COL6A6: variants seen among roughly 807,000 people sequenced by gnomAD.
COL6A6 encodes the protein collagen alpha-6(VI) chain.
A neutral mutation model predicts 208.6 loss-of-function variants in COL6A6; 183 were observed. That is an observed-to-expected ratio of 0.88 (90% CI 0.78 to 0.99). The LOEUF (loss-of-function observed/expected upper bound fraction) is 0.99, where lower values mean the gene tolerates loss of function less well. Ranked by LOEUF, COL6A6 falls within the 50% of genes least tolerant of loss-of-function variation. The probability of loss-of-function intolerance (pLI) is 0.00; values close to 1 mark genes in which losing one functional copy is unlikely to be tolerated. For missense variants in COL6A6, 2,816 were observed against 2,815.2 expected (o/e 1.00, Z -0.01); for synonymous variants, 973 against 1,011.8 (o/e 0.96, Z 0.73).
intron 28 of COL6A6, among the ~76,000 whole-genome samples, chr3:130,641,189 A>C (rs1559778723): frequency 2.1e-5 from 3 of 144,498 alleles, no homozygotes; most frequent in Non-Finnish European, 4.7e-5. Flanking sequence ...GCAGCAACAA[A>C]CAGTAAGGGA....
chr3:130,645,272 T>G (rs1041199929), intron 32 of COL6A6, among the ~76,000 whole-genome samples: 1 of 152,166 alleles, frequency 6.6e-6, no homozygotes, highest in Non-Finnish European at 1.5e-5. Flanking sequence ...AACATCACCA[T>G]TCACCTTGCT....
rs191658123 is a variant in COL6A6 at position 130,568,624 on chromosome 3, C to A, written c.2401+20C>A. The A allele has an allele frequency of 2.6e-6, 4 of 1,557,160 alleles. No homozygotes were observed. In the Admixed American group the frequency reaches 7.2e-5, roughly 28 times the overall value. On this transcript the variant is annotated intron_variant, in intron 6 of 36. Coordinates refer to ENST00000358511, the MANE Select transcript of COL6A6 (RefSeq NM_001102608.3). ...GTGAAGGTAGGCATGGGCATACTCA[C>A]TAGCAGGACTATCCGAACAACAGAT...
intron 23 of COL6A6, among the ~76,000 whole-genome samples, chr3:130,615,274 A>G (rs1282016918): frequency 3.3e-5 from 5 of 151,766 alleles, no homozygotes; most frequent in African/African-American, 1.2e-4. Flanking sequence ...ACTAGTTTTT[A>G]TTTTTATTTC....
chr3:130,529,272 A>T (rs1449916889), intron 1 of COL6A6, among the ~76,000 whole-genome samples: 3 of 149,692 alleles, frequency 2.0e-5, no homozygotes, highest in Non-Finnish European at 2.9e-5. Context: ...ATGTACAAAA[A>T]CACAGCAGGA....
chr3:130,606,608 G>T (rs1214246349), intron 20 of COL6A6, among the ~76,000 whole-genome samples: 4 of 152,124 alleles, frequency 2.6e-5, no homozygotes, highest in Admixed American at 2.0e-4. Flanking sequence ...AAGTCAATTT[G>T]CAGCTTGTGA....
Position 130,626,527 on chromosome 3 carries a change from C to T in COL6A6, c.4921C>T (p.Pro1641Ser). Residue 1641 changes from proline (P) to serine (S), a missense_variant, in exon 25 of 37, where the codon CCT becomes TCT. Coordinates refer to ENST00000358511, the MANE Select transcript of COL6A6 (RefSeq NM_001102608.3). ...DLGEKGAVGF[P>S]GPRGLQGNDG... ...GGGAGAAAAAGGAGCTGTTGGCTTT[C>T]CTGGTCCTCGTGGCTTGCAGGTTTG... is the stretch of plus-strand genomic sequence containing the variant. 1 of 1,613,290 alleles carries T rather than the reference C, an allele frequency of 6.2e-7. No individual in the cohort carries two copies. Among genetic ancestry groups the T allele is most frequent in the East Asian group, 2.2e-5 (1 of 44,874 alleles).
At chr3:130,525,792 G>A (rs553992761) in intron 1 of COL6A6, among the ~76,000 whole-genome samples, 8 of 152,016 alleles carry the variant, frequency 5.3e-5, no homozygotes, top group African/African-American at 1.4e-4. Flanking sequence ...TTCTTGCCAC[G>A]AGAACTTTGC....
Position 130,563,102 on chromosome 3 carries a change from C to G in COL6A6, c.99C>G (p.Asp33Glu), listed in dbSNP as rs2062931505. ...PEYADVVFLV[D>E]SSDRLGSKSF... is the part of the protein sequence containing the mutation. Reference sequence around the variant, plus strand: ...ATGCAGATGTTGTGTTTTTGGTGGACAGCTCTGATCGCCTGGGATCCAAGT... The same window carrying G: ...ATGCAGATGTTGTGTTTTTGGTGGAGAGCTCTGATCGCCTGGGATCCAAGT... Residue 33 changes from aspartate (D) to glutamate (E), a missense_variant, in exon 3 of 37, where the codon GAC becomes GAG. By Grantham distance (45) the Asp-to-Glu change is conservative. Coordinates refer to ENST00000358511, the MANE Select transcript of COL6A6 (RefSeq NM_001102608.3). 1 of 1,613,356 alleles carries G rather than the reference C, an allele frequency of 6.2e-7. No homozygotes were observed. The highest frequency in any genetic ancestry group is 8.5e-7 in the Non-Finnish European group (1 of 1,179,580).
intron 28 of COL6A6, among the ~76,000 whole-genome samples, chr3:130,636,756 TCCTCC>T (rs1310601532): frequency 0.014 from 168 of 11,824 alleles, 2 homozygotes; most frequent in South Asian, 0.018. Flanking sequence ...CTCCCCTTCC[TCCTCC>T]CCTCCCCTCC....
In COL6A6 at chr3:130,635,694, T is replaced by C. The variant is rs375193338; in HGVS notation, c.5029-5T>C. 1.9e-5 allele frequency: 31 copies of C among 1,596,076 alleles called. No homozygotes were observed. The highest frequency in any genetic ancestry group is 2.6e-5 in the Non-Finnish European group (30 of 1,164,716). The stretch of plus-strand genomic sequence containing the variant: ...TAACTATTTTACTTTAATAAATGTA[T>C]TTAGGGTGAGATTGGGGACCCTGGT... On this transcript the variant is annotated splice_region_variant and splice_polypyrimidine_tract_variant and intron_variant, in intron 27 of 36. Coordinates refer to ENST00000358511, the MANE Select transcript of COL6A6 (RefSeq NM_001102608.3).
intron 23 of COL6A6, among the ~76,000 whole-genome samples, chr3:130,615,712 T>G (rs1423823334): frequency 1.3e-5 from 2 of 152,192 alleles, no homozygotes; most frequent in Non-Finnish European, 1.5e-5. Context: ...TGAAATTTGT[T>G]AAAGATGGAA....
At chr3:130,612,647 G>T (rs1352704288) in intron 23 of COL6A6, among the ~76,000 whole-genome samples, 1 of 152,156 alleles carries the variant, frequency 6.6e-6, no homozygotes, top group Non-Finnish European at 1.5e-5. Flanking sequence ...GCAACACAGG[G>T]TTGACAGCCT....
intron 23 of COL6A6, among the ~76,000 whole-genome samples, chr3:130,612,300 T>C (rs1246604909): frequency 6.6e-6 from 1 of 152,164 alleles, no homozygotes; most frequent in Non-Finnish European, 1.5e-5. Flanking sequence ...TAAATAATAA[T>C]GGGATTGCTG....
intron 23 of COL6A6, among the ~76,000 whole-genome samples, chr3:130,617,479 T>A (rs912438343): frequency 6.6e-6 from 1 of 152,156 alleles, no homozygotes; most frequent in Non-Finnish European, 1.5e-5. Context: ...TACACAGAGA[T>A]ATCAAGGTGA....
At chr3:130,563,715 T>C (rs2062950286) in intron 3 of COL6A6, 51 bp downstream of exon 3, 5 of 1,243,676 alleles carry the variant, frequency 4.0e-6, no homozygotes, top group Non-Finnish European at 5.7e-6. Flanking sequence ...TTTTGAAAAA[T>C]TAAAATGGGG....
chr3:130,599,010 G>A (rs966186890), intron 19 of COL6A6, among the ~76,000 whole-genome samples: 2 of 152,188 alleles, frequency 1.3e-5, no homozygotes, highest in Non-Finnish European at 2.9e-5. Context: ...GTACGATAAA[G>A]TGGAAAGAAC....
At chr3:130,655,299 A>G (rs2065758261) in intron 33 of COL6A6, among the ~76,000 whole-genome samples, 1 of 152,138 alleles carries the variant, frequency 6.6e-6, no homozygotes, top group African/African-American at 2.4e-5. Flanking sequence ...AATAGGTTCC[A>G]AGATAGAAGA....
chr3:130,608,763 CTTTTTTTTTTTTTT>C (rs752049202), intron 21 of COL6A6, 125 bp from the exon 22 acceptor site: 28 of 310,152 alleles, frequency 9.0e-5, no homozygotes, highest in Admixed American at 7.4e-4. Flanking sequence ...TATTTTTCAC[CTTTTTTTTTTTTTT>C]TTTTTTTTTT....
At chr3:130,525,728 C>T (rs1292358407) in intron 1 of COL6A6, among the ~76,000 whole-genome samples, 2 of 152,130 alleles carry the variant, frequency 1.3e-5, no homozygotes, top group Admixed American at 6.5e-5. Flanking sequence ...CCCTTCTCTC[C>T]CTGTGTTCTA....
Sources: gnomAD v4.1 joint callset for allele counts (sites outside exome capture counted in the v4.1 genomes callset) on GRCh38, gnomAD v4.1.1 for gene constraint, MANE v1.5 for transcripts, NCBI Gene and HGNC (gene_info 2026-07-23, HGNC 2026-07-21) for gene names.